CTNNA1: variants seen among roughly 807,000 people sequenced by gnomAD.
CTNNA1 encodes the protein catenin alpha 1.
CTNNA1 carries 37 observed loss-of-function variants against 98.4 expected under a neutral mutation model. The observed-to-expected ratio is 0.38, with a 90% CI of 0.29 to 0.49. CTNNA1 has a LOEUF of 0.49. Ranked by LOEUF, CTNNA1 falls within the 20% of genes least tolerant of loss-of-function variation. The pLI is 0.95. For synonymous variants in CTNNA1, 404 were observed against 413.2 expected (o/e 0.98, Z 0.27); for missense variants, 761 against 1,147.2 (o/e 0.66, Z 4.86).
At chr5:138,845,893 A>G (rs1403091880) in intron 7 of CTNNA1, among the ~76,000 whole-genome samples, 1 of 152,076 alleles carries the variant, frequency 6.6e-6, no homozygotes, top group Non-Finnish European at 1.5e-5. Context: ...GGGTCAGGGA[A>G]TGATAGCTAA....
intron 7 of CTNNA1, among the ~76,000 whole-genome samples, chr5:138,881,523 C>G (rs1344062904): frequency 2.0e-5 from 3 of 152,206 alleles, no homozygotes; most frequent in African/African-American, 7.2e-5. Flanking sequence ...GCTAGTTTCC[C>G]TTAGTTTTCA....
At chr5:138,756,002 A>T (rs947872996) in intron 1 of CTNNA1, among the ~76,000 whole-genome samples, 1 of 149,498 alleles carries the variant, frequency 6.7e-6, no homozygotes, top group Non-Finnish European at 1.5e-5. Context: ...AGCTGGGATT[A>T]CTAAGTGCAA....
At chr5:138,765,977 T>A (rs1371880078) in intron 1 of CTNNA1, among the ~76,000 whole-genome samples, 1 of 146,542 alleles carries the variant, frequency 6.8e-6, no homozygotes, top group Admixed American at 6.8e-5. Context: ...AAAAAGGCAG[T>A]TTATACCCAC....
intron 3 of CTNNA1, among the ~76,000 whole-genome samples, chr5:138,785,541 C>T (rs529796145): frequency 1.3e-5 from 2 of 151,874 alleles, no homozygotes; most frequent in Admixed American, 1.3e-4. Flanking sequence ...TTTGCTGGCT[C>T]TAGTGACTGA....
At chr5:138,899,038 C>CTAA (rs1757488531) in intron 9 of CTNNA1, among the ~76,000 whole-genome samples, 1 of 152,014 alleles carries the variant, frequency 6.6e-6, no homozygotes, top group Non-Finnish European at 1.5e-5. Flanking sequence ...TCAAATCTGC[C>CTAA]TAATTATTTT....
At chr5:138,870,435 A>C (rs1391735813) in intron 7 of CTNNA1, 9 of 152,220 alleles carry the variant, frequency 5.9e-5, no homozygotes, top group Admixed American at 5.9e-4. Flanking sequence ...GAAGGCAAAA[A>C]ATTTTGATTT....
intron 7 of CTNNA1, chr5:138,880,828 T>C (rs2149989407): frequency 3.1e-6 from 1 of 321,482 alleles, no homozygotes; most frequent in East Asian, 7.8e-5. Context: ...TTTGCATGTT[T>C]GTTGGCTATA....
chr5:138,844,738 A>G (rs1253964811), intron 7 of CTNNA1, among the ~76,000 whole-genome samples: 1 of 152,190 alleles, frequency 6.6e-6, no homozygotes, highest in Non-Finnish European at 1.5e-5. Flanking sequence ...CTATTATTTT[A>G]TTATTATAAA....
intron 7 of CTNNA1, among the ~76,000 whole-genome samples, chr5:138,884,778 A>G (rs1197844282): frequency 2.0e-5 from 3 of 152,152 alleles, no homozygotes; most frequent in Admixed American, 6.5e-5. Context: ...TTACTTTGGA[A>G]TGCCCTGGCT....
chr5:138,924,764 A>G (rs1763648635), intron 12 of CTNNA1, 54 bp downstream of exon 12: 2 of 1,461,718 alleles, frequency 1.4e-6, no homozygotes, highest in African/African-American at 1.4e-5. Context: ...TCAGTGAGGC[A>G]GGCCACCCCA....
intron 16 of CTNNA1, chr5:138,931,817 G>GT (rs1417781420): frequency 1.0e-6 from 1 of 985,378 alleles, no homozygotes; most frequent in Non-Finnish European, 1.2e-6. Context: ...GGTCTGCGGG[G>GT]TCTCAGTTCA....
intron 1 of CTNNA1, among the ~76,000 whole-genome samples, chr5:138,779,098 C>G (rs373954497): frequency 6.6e-6 from 1 of 152,040 alleles, no homozygotes; most frequent in African/African-American, 2.4e-5. Flanking sequence ...AGGCTGGTCT[C>G]GAACTCCTGA....
intron 1 of CTNNA1, among the ~76,000 whole-genome samples, chr5:138,758,073 G>A (rs748561613): frequency 6.6e-6 from 1 of 151,304 alleles, no homozygotes. Flanking sequence ...ATGGCGTGAT[G>A]TCGGCTCACT....
At chr5:138,777,900 G>C (rs1466372148) in intron 1 of CTNNA1, among the ~76,000 whole-genome samples, 1 of 92,758 alleles carries the variant, frequency 1.1e-5, no homozygotes, top group Non-Finnish European at 2.2e-5. Context: ...AGGAGGGAGA[G>C]GGAGAGGAGG....
chr5:138,931,687 T>C, intron 16 of CTNNA1: 1 of 985,496 alleles, frequency 1.0e-6, no homozygotes, highest in Non-Finnish European at 1.2e-6. Flanking sequence ...CCCGATTTCC[T>C]GTTCTTTCCT....
intron 7 of CTNNA1, among the ~76,000 whole-genome samples, chr5:138,851,100 C>G (rs1389059737): frequency 6.6e-6 from 1 of 152,148 alleles, no homozygotes; most frequent in African/African-American, 2.4e-5. Context: ...GTAATGTCAC[C>G]CATGATATAT....
intron 9 of CTNNA1, among the ~76,000 whole-genome samples, chr5:138,898,295 G>A (rs920055654): frequency 6.6e-6 from 1 of 152,058 alleles, no homozygotes; most frequent in African/African-American, 2.4e-5. Flanking sequence ...ACAGCCTGCA[G>A]AACTGTGAGC....
chr5:138,759,054 T>C (rs1156766667), intron 1 of CTNNA1, among the ~76,000 whole-genome samples: 1 of 152,322 alleles, frequency 6.6e-6, no homozygotes, highest in East Asian at 1.9e-4. Context: ...CAGCCAGCCT[T>C]GGCTTCCCAA....
intron 7 of CTNNA1, among the ~76,000 whole-genome samples, chr5:138,885,857 A>G (rs1443850040): frequency 6.6e-6 from 1 of 152,182 alleles, no homozygotes; most frequent in Non-Finnish European, 1.5e-5. Context: ...TTCTTGCTGC[A>G]GTTCAAGGAG....
Sources: allele counts gnomAD v4.1 joint callset (sites outside exome capture counted in the v4.1 genomes callset), GRCh38; gene constraint gnomAD v4.1.1; transcripts MANE v1.5; gene names NCBI Gene and HGNC (gene_info 2026-07-23, HGNC 2026-07-21).